Variants in CDH3 observed in about 807,000 individuals in gnomAD.
CDH3 encodes the protein cadherin 3.
A neutral mutation model predicts 82.0 loss-of-function variants in CDH3; 54 were observed. The ratio of observed to expected loss-of-function variants is 0.66; its 90% CI spans 0.53 to 0.83. The LOEUF (loss-of-function observed/expected upper bound fraction) is 0.83. Among genes scored for constraint, CDH3 ranks in the 40% least tolerant of loss-of-function variants. CDH3 has a pLI of 0.00. For synonymous variants in CDH3, 446 were observed against 437.9 expected, an observed-to-expected ratio of 1.02 and a Z score of -0.23; for missense variants, 1,054 against 1,084.6, an observed-to-expected ratio of 0.97 and a Z score of 0.40.
downstream of CDH3, among the ~76,000 whole-genome samples, chr16:68,730,639 A>G (rs578127837): frequency 6.6e-6 from 1 of 152,316 alleles, no homozygotes; most frequent in African/African-American, 2.4e-5. Flanking sequence ...TGCTTTACTA[A>G]TGGCATGGGA....
intron 4 of CDH3, 47 bp from the exon 5 acceptor site, chr16:68,678,454 A>G: frequency 1.2e-6 from 2 of 1,612,090 alleles, no homozygotes; most frequent in South Asian, 2.2e-5. Flanking sequence ...TGTCACAGTC[A>G]TGGGATATTT....
chr16:68,719,658 C>T (rs1962140276), intron 1 of CDH3, among the ~76,000 whole-genome samples: 1 of 151,804 alleles, frequency 6.6e-6, no homozygotes, highest in East Asian at 1.9e-4. Flanking sequence ...CTCAGGCACA[C>T]ACCAGCTAAT....
chr16:68,667,898 CTT>C (rs1567443270), intron 2 of CDH3, among the ~76,000 whole-genome samples: 1 of 152,128 alleles, frequency 6.6e-6, no homozygotes, highest in Admixed American at 6.5e-5. Flanking sequence ...GTTAATTTCT[CTT>C]TTTATTTATT....
chr16:68,687,735 A>G lies in CDH3; in HGVS notation c.1794A>G (p.Glu598=). 6.2e-7 allele frequency: 1 copy of G among 1,610,950 alleles called. No homozygotes were observed. The highest frequency in any genetic ancestry group is 8.5e-7 in the Non-Finnish European group (1 of 1,177,470). ...ACTGGACGGCAGAGGTCAACGAGGA[A>G]GGTACCTGAGTGAGTGGTGGTAGCG... ...DIYWTAEVNE[E]GDTVVLSLKK... Residue 598 remains glutamate, a splice_region_variant and synonymous_variant, in exon 12 of 16, where the codon GAA becomes GAG. Coordinates refer to ENST00000264012, the MANE Select transcript of CDH3 (RefSeq NM_001793.6).
chr16:68,678,547 C>T lies in CDH3; in HGVS notation c.437C>T (p.Thr146Met), dbSNP rs200463078. 1.1e-5 allele frequency: 17 copies of T among 1,613,586 alleles called. No individual in the cohort carries two copies. Among genetic ancestry groups the T allele is most frequent in the African/African-American group, 4.0e-5 (3 of 74,930 alleles). The change falls in exon 5 of 16, where the codon ACG becomes ATG. Residue 146 changes from threonine (T) to methionine (M), a missense_variant. Transcript: ENST00000264012. Reference protein sequence around the residue: ...DRDTKIFYSITGPGADSPPEG... With the variant: ...DRDTKIFYSIMGPGADSPPEG... ...GACACCAAGATTTTCTACAGCATCACGGGGCCGGGGGCAGACAGCCCCCCT... is the reference window on the plus strand; with the variant it reads ...GACACCAAGATTTTCTACAGCATCATGGGGCCGGGGGCAGACAGCCCCCCT...
intron 2 of CDH3, among the ~76,000 whole-genome samples, chr16:68,723,541 A>G (rs1962186489): frequency 1.3e-5 from 2 of 152,214 alleles, no homozygotes. Flanking sequence ...ATTTTACAGA[A>G]GATAAATTGA....
intron 2 of CDH3, among the ~76,000 whole-genome samples, chr16:68,726,175 A>G (rs1382092405): frequency 6.6e-6 from 1 of 152,194 alleles, no homozygotes; most frequent in Non-Finnish European, 1.5e-5. Context: ...TGCCTCTGCC[A>G]TGAAACTGGT....
At chr16:68,705,963 G>A (rs1961956402) in intron 1 of CDH3, among the ~76,000 whole-genome samples, 1 of 150,998 alleles carries the variant, frequency 6.6e-6, no homozygotes, top group African/African-American at 2.4e-5. Context: ...TACTCGGGAG[G>A]CTGAGGCAGG....
chr16:68,705,416 T>G (rs1412631467), intron 1 of CDH3, among the ~76,000 whole-genome samples: 1 of 151,860 alleles, frequency 6.6e-6, no homozygotes, highest in Non-Finnish European at 1.5e-5. Flanking sequence ...ACCTGTTCTG[T>G]GCAAGACACT....
chr16:68,659,100 A>AGG (rs1960489175), intron 2 of CDH3, among the ~76,000 whole-genome samples: 1 of 152,164 alleles, frequency 6.6e-6, no homozygotes, highest in Non-Finnish European at 1.5e-5. Flanking sequence ...ACATCCCTTG[A>AGG]GGGAGGTACT....
At position 68,684,625 on chromosome 16, in the gene CDH3, G is replaced by C; in HGVS notation, c.1225G>C (p.Glu409Gln). 2 of 1,614,194 alleles carry C rather than the reference G, an allele frequency of 1.2e-6. No homozygotes were observed. Among genetic ancestry groups the C allele is most frequent in the Non-Finnish European group, 1.7e-6 (2 of 1,180,040 alleles). The change falls in exon 10 of 16, where the codon GAA becomes CAA. Residue 409 changes from glutamate to glutamine, a missense_variant. Physicochemically the swap from Glu to Gln is conservative, Grantham distance 29 (BLOSUM62 2). Coordinates refer to ENST00000264012, the MANE Select transcript of CDH3 (RefSeq NM_001793.6). ...EAKNQHTLYVEVTNEAPFVLK... is the reference protein window; with the variant it reads ...EAKNQHTLYVQVTNEAPFVLK... Reference sequence around the variant, plus strand: ...CAAAAACCAGCACACCCTGTACGTTGAAGTGACCAACGAGGCCCCTTTTGT... The same window carrying C: ...CAAAAACCAGCACACCCTGTACGTTCAAGTGACCAACGAGGCCCCTTTTGT...
chr16:68,645,451 G>A (rs768940669), intron 1 of CDH3, 27 bp downstream of exon 1: 70 of 1,611,114 alleles, frequency 4.3e-5, no homozygotes, highest in Non-Finnish European at 5.8e-5. Context: ...CCGTGGCCCC[G>A]ACCGGGACCG....
At chr16:68,670,500 C>T (rs1960858548) in intron 2 of CDH3, among the ~76,000 whole-genome samples, 2 of 152,088 alleles carry the variant, frequency 1.3e-5, no homozygotes, top group South Asian at 4.2e-4. Context: ...GCTCTGTCTC[C>T]AGCTGGGGTG....
chr16:68,729,794 G>C (rs1341592420), downstream of CDH3, among the ~76,000 whole-genome samples: 4 of 151,928 alleles, frequency 2.6e-5, no homozygotes, highest in African/African-American at 4.8e-5. Context: ...ACCACACCAG[G>C]CTATTTTTTT....
chr16:68,652,707 C>T (rs149861320), intron 2 of CDH3, among the ~76,000 whole-genome samples: 371 of 152,222 alleles, frequency 2.4e-3, no homozygotes, highest in Middle Eastern at 6.8e-3. Context: ...CTTGGATGCC[C>T]CCTCCCTCCT....
chr16:68,678,947 A>G, intron 6 of CDH3, 41 bp downstream of exon 6: 1 of 1,603,724 alleles, frequency 6.2e-7, no homozygotes, highest in East Asian at 2.2e-5. Context: ...GGCTGGGCCC[A>G]CACCCTTAAA....
At chr16:68,729,676 G>C (rs1182053574), downstream of CDH3, among the ~76,000 whole-genome samples, 1 of 152,034 alleles carries the variant, frequency 6.6e-6, no homozygotes, top group Non-Finnish European at 1.5e-5. Context: ...TCTCTTGCCC[G>C]GCTGGAGTGC....
chr16:68,705,620 C>G (rs948636299), intron 1 of CDH3, among the ~76,000 whole-genome samples: 10 of 151,576 alleles, frequency 6.6e-5, no homozygotes, highest in Non-Finnish European at 1.3e-4. Flanking sequence ...CGGAGTTTCA[C>G]TATGTTGGCC....
downstream of CDH3, among the ~76,000 whole-genome samples, chr16:68,732,355 TG>T (rs1438880888): frequency 6.6e-6 from 1 of 152,208 alleles, no homozygotes; most frequent in Non-Finnish European, 1.5e-5. Flanking sequence ...CTGAACCCTA[TG>T]ACTGCACCCC....
Sources: gnomAD v4.1 joint callset for allele counts (sites outside exome capture counted in the v4.1 genomes callset) on GRCh38, gnomAD v4.1.1 for gene constraint, MANE v1.5 for transcripts, NCBI Gene and HGNC (gene_info 2026-07-23, HGNC 2026-07-21) for gene names.